PALLD: variants seen among roughly 807,000 people sequenced by gnomAD.
PALLD encodes the protein palladin.
Under a neutral mutation model 123.5 loss-of-function variants are expected in PALLD, and 61 were observed. The observed-to-expected ratio is 0.49, with a 90% CI of 0.40 to 0.61. PALLD has a LOEUF of 0.61. PALLD is among the 20% of genes least tolerant of loss of function. The pLI is 0.00. For synonymous variants in PALLD, 465 were observed against 496.4 expected (o/e 0.94, Z 0.84); for missense variants, 1,273 against 1,377.0 (o/e 0.92, Z 1.20).
At chr4:168,604,929 G>A (rs559951251) in intron 2 of PALLD, among the ~76,000 whole-genome samples, 1 of 152,270 alleles carries the variant, frequency 6.6e-6, no homozygotes, top group South Asian at 2.1e-4. Flanking sequence ...ATTGGTCAAA[G>A]GATATTTGAT....
chr4:168,708,538 G>T (rs970317726), intron 8 of PALLD, among the ~76,000 whole-genome samples: 1 of 152,132 alleles, frequency 6.6e-6, no homozygotes, highest in Admixed American at 6.5e-5. Context: ...CAGAATAGTT[G>T]TCTACAGGTC....
chr4:168,586,906 G>T (rs1770878324), intron 2 of PALLD, among the ~76,000 whole-genome samples: 1 of 152,116 alleles, frequency 6.6e-6, no homozygotes, highest in Admixed American at 6.5e-5. Context: ...AGGAGACATA[G>T]CTAGGGGTAC....
chr4:168,910,650 C>T (rs1758739357), intron 15 of PALLD, among the ~76,000 whole-genome samples: 1 of 152,136 alleles, frequency 6.6e-6, no homozygotes, highest in Admixed American at 6.5e-5. Context: ...CTTTAATCTT[C>T]ATAAGAACCC....
intron 10 of PALLD, among the ~76,000 whole-genome samples, chr4:168,780,066 T>G (rs895351737): frequency 6.6e-6 from 1 of 152,010 alleles, no homozygotes; most frequent in Admixed American, 6.6e-5. Flanking sequence ...GCCCGACTAA[T>G]TTTGGTATTT....
At chr4:168,554,289 C>G (rs575158624) in intron 2 of PALLD, among the ~76,000 whole-genome samples, 8 of 152,210 alleles carry the variant, frequency 5.3e-5, no homozygotes, top group African/African-American at 1.4e-4. Flanking sequence ...CCTGGAACTC[C>G]TTATTGGCAA....
chr4:168,898,084 C>G (rs1460030857), intron 13 of PALLD: 2 of 214,868 alleles, frequency 9.3e-6, no homozygotes, highest in Non-Finnish European at 1.9e-5. Context: ...GCCACATGTA[C>G]TATGTGGAGA....
chr4:168,847,768 G>T (rs1365617195), intron 10 of PALLD, among the ~76,000 whole-genome samples: 1 of 151,908 alleles, frequency 6.6e-6, no homozygotes, highest in African/African-American at 2.4e-5. Context: ...AGGGTAAATG[G>T]GGTATCCATC....
At chr4:168,811,278 G>A (rs537201170) in intron 10 of PALLD, among the ~76,000 whole-genome samples, 1 of 152,276 alleles carries the variant, frequency 6.6e-6, no homozygotes, top group East Asian at 1.9e-4. Context: ...TTCCAGTACT[G>A]CCGTCATACC....
At chr4:168,722,876 T>C (rs1247298165) in intron 10 of PALLD, among the ~76,000 whole-genome samples, 1 of 152,006 alleles carries the variant, frequency 6.6e-6, no homozygotes, top group East Asian at 1.9e-4. Flanking sequence ...GGAAACAGAT[T>C]CAACAAGATT....
chr4:168,608,620 T>G (rs1773421899), intron 2 of PALLD, among the ~76,000 whole-genome samples: 1 of 152,204 alleles, frequency 6.6e-6, no homozygotes, highest in Admixed American at 6.5e-5. Flanking sequence ...CCACAAACTG[T>G]CTTTTCTCTT....
chr4:168,725,995 T>C (rs1321533110), intron 10 of PALLD, among the ~76,000 whole-genome samples: 2 of 152,334 alleles, frequency 1.3e-5, no homozygotes, highest in East Asian at 3.9e-4. Flanking sequence ...GGGCATCCTC[T>C]AACTCAAATG....
At chr4:168,648,832 CA>C (rs1777750547) in intron 2 of PALLD, 1 of 152,192 alleles carries the variant, frequency 6.6e-6, no homozygotes, top group Non-Finnish European at 1.5e-5. Context: ...CATGTGGTAT[CA>C]TTTAAGTGCT....
At chr4:168,713,419 A>G (rs1352008570) in intron 10 of PALLD, among the ~76,000 whole-genome samples, 2 of 152,220 alleles carry the variant, frequency 1.3e-5, no homozygotes, top group African/African-American at 2.4e-5. Context: ...CCAGGGAGAG[A>G]AAGGGCAAAT....
At chr4:168,691,209 A>G in intron 7 of PALLD, 60 bp from the exon 8 acceptor site, 1 of 1,272,882 alleles carries the variant, frequency 7.9e-7, no homozygotes, top group Non-Finnish European at 1.1e-6. Context: ...GTTTTTTTTA[A>G]TTAAATGGAA....
In PALLD at chr4:168,831,997, C is replaced by T. The variant is rs758680187; in HGVS notation, c.1965-58925C>T. Reference sequence around the variant, plus strand: ...CTCCTCTCTCCCGCCCGCCGCGCCGCCGGACTCTTATTTTGAAGGGCGGCG... The same window carrying T: ...CTCCTCTCTCCCGCCCGCCGCGCCGTCGGACTCTTATTTTGAAGGGCGGCG... On this transcript the variant is annotated intron_variant, in intron 10 of 21. Transcript: ENST00000505667. 3.4e-4 allele frequency: 332 copies of T among 985,458 alleles called. 1 individual carries two copies. Among genetic ancestry groups the T allele is most frequent in the Non-Finnish European group, 3.8e-4 (319 of 829,960 alleles). 61.0% of individuals were successfully genotyped at this position (985,458 alleles called of 1,614,324 possible).
intron 10 of PALLD, among the ~76,000 whole-genome samples, chr4:168,823,112 T>C (rs1373061664): frequency 6.6e-6 from 1 of 152,216 alleles, no homozygotes; most frequent in African/African-American, 2.4e-5. Context: ...GATTCATTAT[T>C]ATATGGTCAT....
intron 10 of PALLD, among the ~76,000 whole-genome samples, chr4:168,763,520 AG>A (rs1312435464): frequency 1.3e-5 from 2 of 152,226 alleles, no homozygotes; most frequent in African/African-American, 4.8e-5. Flanking sequence ...ACAGTGTCCA[AG>A]GTATTTAAAT....
chr4:168,921,392 A>T, intron 17 of PALLD, 142 bp from the exon 18 acceptor site: 1 of 565,750 alleles, frequency 1.8e-6, no homozygotes, highest in African/African-American at 2.6e-5. Flanking sequence ...GGGCAATAAG[A>T]GTGAAACTCT....
chr4:168,690,682 T>G lies in PALLD; in HGVS notation c.1415T>G (p.Val472Gly). The G allele has an allele frequency of 6.2e-7, 1 of 1,614,130 alleles. No homozygotes were observed. Among genetic ancestry groups the G allele is most frequent in the East Asian group, 2.2e-5 (1 of 44,884 alleles). Reference protein sequence around the residue: ...CRVRGAPPLQVQWFRQGSEIQ... With the variant: ...CRVRGAPPLQGQWFRQGSEIQ... Reference sequence around the variant, plus strand: ...GTCCGTGGGGCACCCCCTCTGCAGGTCCAGTGGTTTCGGCAAGGGAGTGAA... The same window carrying G: ...GTCCGTGGGGCACCCCCTCTGCAGGGCCAGTGGTTTCGGCAAGGGAGTGAA... Residue 472 changes from valine (V) to glycine (G), a missense_variant, in exon 7 of 22, where the codon GTC becomes GGC. Coordinates refer to ENST00000505667, the MANE Select transcript of PALLD (RefSeq NM_001166108.2).
Sources: allele counts gnomAD v4.1 joint callset (sites outside exome capture counted in the v4.1 genomes callset), GRCh38; gene constraint gnomAD v4.1.1; transcripts MANE v1.5; gene names NCBI Gene and HGNC (gene_info 2026-07-23, HGNC 2026-07-21).